RGS22: variants seen among roughly 807,000 people sequenced by gnomAD.
The protein encoded by RGS22 is regulator of G-protein signaling 22.
In RGS22, 148 loss-of-function variants were observed where a neutral mutation model predicts 172.9. That is an observed-to-expected ratio of 0.86 (90% confidence interval 0.75 to 0.98). The LOEUF is 0.98. Among genes scored for constraint, RGS22 ranks in the 50% least tolerant of loss-of-function variants. The pLI is 0.00. For synonymous variants in RGS22, 458 were observed against 480.2 expected, an observed-to-expected ratio of 0.95 and a Z score of 0.60; for missense variants, 1,347 against 1,440.8, an observed-to-expected ratio of 0.93 and a Z score of 1.05.
intron 14 of RGS22, among the ~76,000 whole-genome samples, chr8:100,021,113 A>G (rs1041713564): frequency 1.3e-5 from 2 of 152,264 alleles, no homozygotes; most frequent in Non-Finnish European, 2.9e-5. Context: ...CTAAAGAAAG[A>G]GAAATAAAGT....
chr8:100,022,728 C>A (rs188936202), intron 14 of RGS22, among the ~76,000 whole-genome samples: 21 of 151,832 alleles, frequency 1.4e-4, no homozygotes, highest in Admixed American at 3.9e-4. Context: ...CAAAAAAATT[C>A]AATTAAATTA....
chr8:100,038,913 A>C lies in RGS22; in HGVS notation c.2166+18T>G, dbSNP rs756823761. 8 of 1,531,422 alleles carry C rather than the reference A, an allele frequency of 5.2e-6. No individual in the cohort carries two copies. Among genetic ancestry groups the C allele is most frequent in the Admixed American group, 3.4e-5 (2 of 58,164 alleles). 94.9% of individuals were successfully genotyped at this position (1,531,422 alleles called of 1,614,324 possible). ...GTACTTAGTGCTTCACATTGAACCA[A>C]TATTATTTACTACGTACTTGCGCTT... On this transcript the variant is annotated intron_variant, in intron 14 of 27. Coordinates refer to ENST00000360863, the MANE Select transcript of RGS22 (RefSeq NM_015668.5).
At position 100,041,797 on chromosome 8, in the gene RGS22, C is replaced by T. The variant is rs769530385; in HGVS notation, c.1938+5G>A. On this transcript the variant is annotated splice_donor_5th_base_variant and intron_variant, in intron 12 of 27. Transcript: ENST00000360863. ...TCAGGTTTATTCAGTCCTCAAAACA[C>T]TCACCCTAGGTTCTTCTGTATAAGC... 2.0e-6 allele frequency: 3 copies of T among 1,532,440 alleles called. No individual in the cohort carries two copies. Among genetic ancestry groups the T allele is most frequent in the Non-Finnish European group, 2.7e-6 (3 of 1,108,670 alleles). The allele number at this position is 1,532,440 out of a possible 1,614,324, so 94.9% of individuals were successfully genotyped here.
chr8:100,026,198 A>T (rs2131497893), intron 14 of RGS22, among the ~76,000 whole-genome samples: 1 of 152,300 alleles, frequency 6.6e-6, no homozygotes, highest in East Asian at 1.9e-4. Context: ...AGAGAACCTT[A>T]AGGCAGGGCT....
chr8:100,051,757 TTATA>T lies in RGS22; in HGVS notation c.1689+1041_1689+1044del, dbSNP rs1381704190. On this transcript the variant is annotated intron_variant, in intron 10 of 27. Transcript: ENST00000360863. Reference sequence around the variant, plus strand: ...TATATATAAATATATATTTATATATTTATATATAAATGTTTATATATATTTATAT... The same window carrying T: ...TATATATAAATATATATTTATATATTTATAAATGTTTATATATATTTATAT... 1.2e-4 allele frequency among the ~76,000 whole-genome samples: 10 copies of T among 84,164 alleles called. 2 individuals carry two copies. The highest frequency in any genetic ancestry group is 2.0e-4 in the Non-Finnish European group (10 of 49,704). The allele number at this position is 84,164 out of a possible 152,430, so 55.2% of individuals were successfully genotyped here. A position where few individuals can be genotyped will look rare whatever the true frequency, so the allele number is the denominator to read the frequency against.
chr8:100,021,241 G>GC (rs1170908155), intron 14 of RGS22, among the ~76,000 whole-genome samples: 1 of 152,110 alleles, frequency 6.6e-6, no homozygotes, highest in East Asian at 1.9e-4. Context: ...TACATACTCT[G>GC]TTTAACAGAC....
chr8:100,082,617 G>A (rs1298591833), intron 3 of RGS22, among the ~76,000 whole-genome samples: 2 of 152,142 alleles, frequency 1.3e-5, no homozygotes, highest in African/African-American at 4.8e-5. Flanking sequence ...GCTAAGTGGT[G>A]GTCCATGGAC....
At chr8:100,099,167 G>A (rs1813267942) in intron 2 of RGS22, among the ~76,000 whole-genome samples, 1 of 152,030 alleles carries the variant, frequency 6.6e-6, no homozygotes, top group Non-Finnish European at 1.5e-5. Flanking sequence ...ACCCGCCTCG[G>A]CCTCTCAAAG....
intron 14 of RGS22, among the ~76,000 whole-genome samples, chr8:100,021,283 T>G: frequency 6.6e-6 from 1 of 152,208 alleles, no homozygotes; most frequent in East Asian, 1.9e-4. Flanking sequence ...GTAAAGGCCC[T>G]GTTAATAGTT....
At chr8:100,033,613 C>G (rs188197339) in intron 14 of RGS22, among the ~76,000 whole-genome samples, 23 of 151,512 alleles carry the variant, frequency 1.5e-4, no homozygotes, top group Admixed American at 1.2e-3. Flanking sequence ...GGACCTGGTA[C>G]CATTTCTTTT....
chr8:99,987,155 T>C (rs930956832), intron 21 of RGS22, among the ~76,000 whole-genome samples: 2 of 152,194 alleles, frequency 1.3e-5, no homozygotes, highest in African/African-American at 4.8e-5. Context: ...GCATTTACTT[T>C]AAGTATCATG....
intron 3 of RGS22, among the ~76,000 whole-genome samples, chr8:100,091,344 G>T (rs144606590): frequency 1.2e-4 from 18 of 151,048 alleles, no homozygotes; most frequent in African/African-American, 4.4e-4. Context: ...TGGAGAGATG[G>T]AAAACAGGAA....
chr8:100,007,490 G>A (rs1259226219), intron 15 of RGS22, among the ~76,000 whole-genome samples: 2 of 152,104 alleles, frequency 1.3e-5, no homozygotes, highest in East Asian at 1.9e-4. Flanking sequence ...ATGAACATCT[G>A]GGGGTACTTT....
intron 3 of RGS22, among the ~76,000 whole-genome samples, chr8:100,085,611 G>A (rs1456506154): frequency 3.3e-5 from 5 of 152,112 alleles, no homozygotes; most frequent in African/African-American, 4.8e-5. Flanking sequence ...TTAGGGACTG[G>A]ATGAAGGGAT....
intron 21 of RGS22, among the ~76,000 whole-genome samples, chr8:99,985,824 T>G (rs1261513754): frequency 6.6e-6 from 1 of 152,112 alleles, no homozygotes; most frequent in Non-Finnish European, 1.5e-5. Context: ...AAATACCTAT[T>G]TTACAAAGTT....
intron 11 of RGS22, among the ~76,000 whole-genome samples, chr8:100,047,062 T>G (rs1194310335): frequency 1.3e-5 from 2 of 152,168 alleles, no homozygotes; most frequent in Admixed American, 6.6e-5. Flanking sequence ...GCAATCTGCC[T>G]GCCCTGGTCT....
At chr8:100,044,587 T>C (rs1226318519) in intron 11 of RGS22, among the ~76,000 whole-genome samples, 2 of 151,276 alleles carry the variant, frequency 1.3e-5, no homozygotes, top group South Asian at 2.1e-4. Flanking sequence ...CACCACTCTT[T>C]CCTTATTTGT....
chr8:99,980,313 G>A (rs1312448325), intron 22 of RGS22, among the ~76,000 whole-genome samples: 1 of 152,194 alleles, frequency 6.6e-6, no homozygotes, highest in East Asian at 1.9e-4. Context: ...CCCTGAGTTG[G>A]ATGGTTTGGA....
intron 3 of RGS22, among the ~76,000 whole-genome samples, chr8:100,092,846 C>A (rs1427239135): frequency 6.6e-6 from 1 of 152,168 alleles, no homozygotes; most frequent in Non-Finnish European, 1.5e-5. Context: ...TATGTTACAC[C>A]AATGACAGTG....
Sources: allele counts gnomAD v4.1 joint callset (sites outside exome capture counted in the v4.1 genomes callset), GRCh38; gene constraint gnomAD v4.1.1; transcripts MANE v1.5; gene names NCBI Gene and HGNC (gene_info 2026-07-23, HGNC 2026-07-21).